MKRN1: variants seen among roughly 807,000 people sequenced by gnomAD.
MKRN1 encodes the protein makorin ring finger protein 1.
A neutral mutation model predicts 55.5 loss-of-function variants in MKRN1; 9 were observed. The observed-to-expected ratio is 0.16, with a 90% CI of 0.10 to 0.28. MKRN1 has a LOEUF of 0.28. Ranked by LOEUF, MKRN1 falls within the 10% of genes least tolerant of loss-of-function variation. MKRN1 has a pLI of 1.00. For missense variants in MKRN1, 488 were observed against 626.7 expected, an observed-to-expected ratio of 0.78 and a Z score of 2.36; for synonymous variants, 253 against 235.9, an observed-to-expected ratio of 1.07 and a Z score of -0.66.
chr7:140,477,902 C>A (rs1795173356), intron 1 of MKRN1, among the ~76,000 whole-genome samples: 1 of 152,202 alleles, frequency 6.6e-6, no homozygotes, highest in Non-Finnish European at 1.5e-5. Context: ...TGGCAATATT[C>A]CACTTTTACA....
In MKRN1 at chr7:140,466,526, C is replaced by T. The variant is rs186674713; in HGVS notation, c.314+5357G>A. On this transcript the variant is annotated intron_variant, in intron 2 of 7. Transcript: ENST00000255977. ...CAAACAGAATAAAAAAACTTAAGGC[C>T]GGGCGCGGTGGCTCACGCCTGTAAT... Among the ~76,000 whole-genome samples, 295 of 152,208 alleles carry T rather than the reference C, an allele frequency of 1.9e-3. 4 individuals carry two copies. The highest frequency in any genetic ancestry group is 7.8e-4 in the Non-Finnish European group (53 of 68,016).
intron 2 of MKRN1, among the ~76,000 whole-genome samples, chr7:140,471,181 T>C (rs1208168710): frequency 1.3e-5 from 2 of 152,094 alleles, no homozygotes; most frequent in Non-Finnish European, 2.9e-5. Flanking sequence ...CCCAGGAATC[T>C]GAGACCAGCC....
At position 140,453,038 on chromosome 7, in the gene MKRN1, CA is replaced by C. The variant is rs1369833926; in HGVS notation, c.*1478del. ...CACATTTCAAAAACAGCTCATTACA[CA>C]GAACAGCCAACTTTTTTTTTAATTG... is the stretch of plus-strand genomic sequence containing the variant. On this transcript the variant is annotated 3_prime_UTR_variant, in exon 8 of 8. Transcript: ENST00000255977. 1.3e-5 allele frequency: 2 copies of C among 152,574 alleles called. No individual in the cohort carries two copies. Among genetic ancestry groups the C allele is most frequent in the Admixed American group, 1.3e-4 (2 of 15,262 alleles). The allele number at this position is 152,574 out of a possible 1,614,324, so 9.5% of individuals were successfully genotyped here.
At chr7:140,467,795 G>A (rs1186899723) in intron 2 of MKRN1, among the ~76,000 whole-genome samples, 1 of 151,708 alleles carries the variant, frequency 6.6e-6, no homozygotes, top group Non-Finnish European at 1.5e-5. Flanking sequence ...CTGAAGCCAG[G>A]AGTTCAAGAC....
At chr7:140,465,514 C>G (rs1334218612) in intron 2 of MKRN1, among the ~76,000 whole-genome samples, 1 of 152,078 alleles carries the variant, frequency 6.6e-6, no homozygotes, top group Non-Finnish European at 1.5e-5. Context: ...TTGCCCCTTT[C>G]CCCAGAGGGT....
chr7:140,456,013 G>C, intron 5 of MKRN1, 113 bp from the exon 6 acceptor site: 1 of 1,063,770 alleles, frequency 9.4e-7, no homozygotes, highest in South Asian at 1.4e-5. Context: ...AAAGGCACGT[G>C]GGCATTTCCT....
At chr7:140,473,992 CAAAAAAAAAAAAA>C (rs750043239) in intron 1 of MKRN1, among the ~76,000 whole-genome samples, 3 of 15,214 alleles carry the variant, frequency 2.0e-4, no homozygotes, top group African/African-American at 9.2e-4. Context: ...AACTCCGTCT[CAAAAAAAAAAAAA>C]AAAGAAAGAA....
chr7:140,470,585 TAAACA>T (rs1298225572), intron 2 of MKRN1, among the ~76,000 whole-genome samples: 1 of 145,798 alleles, frequency 6.9e-6, no homozygotes, highest in Non-Finnish European at 1.5e-5. Flanking sequence ...GACTCCATCC[TAAACA>T]AAACAAACAA....
chr7:140,474,002 AAAAAAAG>A (rs1308510437), intron 1 of MKRN1, among the ~76,000 whole-genome samples: 2 of 120,486 alleles, frequency 1.7e-5, no homozygotes, highest in South Asian at 2.6e-4. Context: ...CAAAAAAAAA[AAAAAAAG>A]AAAGAAAGAA....
rs1794568977 is a variant in MKRN1 at position 140,459,885 on chromosome 7, T to C, written c.366A>G (p.Leu122=). 6.2e-7 allele frequency: 1 copy of C among 1,613,962 alleles called. No individual in the cohort carries two copies. The highest frequency in any genetic ancestry group is 8.5e-7 in the Non-Finnish European group (1 of 1,179,864). The change falls in exon 3 of 8, where the codon CTA becomes CTG. Residue 122 remains leucine, a synonymous_variant. Coordinates refer to ENST00000255977, the MANE Select transcript of MKRN1 (RefSeq NM_013446.4). ...LKQEEATATE[L]TTKSSLAASS... is the part of the protein sequence containing the mutation. ...AAGCAGCAAGGGATGACTTTGTAGTTAGCTCTGTAGCAGTTGCTTCTTCCT... is the reference window on the plus strand; with the variant it reads ...AAGCAGCAAGGGATGACTTTGTAGTCAGCTCTGTAGCAGTTGCTTCTTCCT...
At chr7:140,473,900 G>A (rs1161790258) in intron 1 of MKRN1, 1 of 150,192 alleles carries the variant, frequency 6.7e-6, no homozygotes, top group Admixed American at 6.7e-5. Context: ...GCTGAGAGAG[G>A]AAAATCGCTG....
At chr7:140,462,501 T>C (rs1253058345) in intron 2 of MKRN1, among the ~76,000 whole-genome samples, 1 of 152,232 alleles carries the variant, frequency 6.6e-6, no homozygotes, top group African/African-American at 2.4e-5. Flanking sequence ...CTAAAGGCTC[T>C]ACTCCAGCTT....
intron 1 of MKRN1, 185 bp from the exon 2 acceptor site, chr7:140,472,196 G>C: frequency 1.1e-5 from 8 of 747,358 alleles, no homozygotes; most frequent in Non-Finnish European, 1.5e-5. Context: ...TGAGGTGAGT[G>C]GCTCACCTGA....
At chr7:140,467,364 C>CCT (rs918776921) in intron 2 of MKRN1, among the ~76,000 whole-genome samples, 24 of 151,994 alleles carry the variant, frequency 1.6e-4, no homozygotes, top group African/African-American at 5.3e-4. Context: ...GCAAACTCTA[C>CCT]CTTCCCAGGT....
intron 1 of MKRN1, 71 bp from the exon 2 acceptor site, chr7:140,472,082 T>G: frequency 6.4e-7 from 1 of 1,569,484 alleles, no homozygotes. Flanking sequence ...TTAGTATTCA[T>G]GACTAATATA....
chr7:140,476,978 G>T (rs925716270), intron 1 of MKRN1, among the ~76,000 whole-genome samples: 2 of 151,694 alleles, frequency 1.3e-5, no homozygotes, highest in South Asian at 4.2e-4. Flanking sequence ...AGCTACTAAG[G>T]CATCTGTAAT....
chr7:140,454,654 C>T lies in MKRN1; in HGVS notation c.1312G>A (p.Glu438Lys). ...NSNPFDNDEEEVVTFELGEML... is the reference protein window; with the variant it reads ...NSNPFDNDEEKVVTFELGEML... ...TCGCCCAGCTCAAAGGTGACAACCT[C>T]TTCTTCATCGTTGTCAAAGGGGTTG... Residue 438 changes from glutamate to lysine, a missense_variant, in exon 8 of 8, where the codon GAG becomes AAG. Glu to Lys is a moderately conservative substitution (Grantham distance 56). Coordinates refer to ENST00000255977, the MANE Select transcript of MKRN1 (RefSeq NM_013446.4). 8 of 1,613,996 alleles carry T rather than the reference C, an allele frequency of 5.0e-6. No individual in the cohort carries two copies. The highest frequency in any genetic ancestry group is 6.8e-6 in the Non-Finnish European group (8 of 1,179,862).
chr7:140,474,542 G>A (rs947878310), intron 1 of MKRN1: 1 of 195,062 alleles, frequency 5.1e-6, no homozygotes. Flanking sequence ...TAGATGTGAT[G>A]GTGAATCATG....
chr7:140,467,604 C>T (rs1046906304), intron 2 of MKRN1, among the ~76,000 whole-genome samples: 5 of 152,176 alleles, frequency 3.3e-5, no homozygotes, highest in African/African-American at 1.2e-4. Flanking sequence ...CCATCTGCAT[C>T]TGCCTCAACG....
Sources: allele counts gnomAD v4.1 joint callset (sites outside exome capture counted in the v4.1 genomes callset), GRCh38; gene constraint gnomAD v4.1.1; transcripts MANE v1.5; gene names NCBI Gene and HGNC (gene_info 2026-07-23, HGNC 2026-07-21).